Variants in VPS13D observed in about 807,000 individuals in gnomAD.
VPS13D encodes intermembrane lipid transfer protein VPS13D.
A neutral mutation model predicts 461.9 loss-of-function variants in VPS13D; 187 were observed. The observed-to-expected ratio is 0.40, with a 90% CI of 0.36 to 0.46. The LOEUF (loss-of-function observed/expected upper bound fraction) is 0.46, where lower values mean the gene tolerates loss of function less well. Ranked by LOEUF, VPS13D falls within the 20% of genes least tolerant of loss-of-function variation. The pLI, the probability that VPS13D is intolerant of heterozygous loss-of-function variation, is 0.60. For missense variants in VPS13D, 4,711 were observed against 5,364.9 expected (o/e 0.88, Z 3.81); for synonymous variants, 1,951 against 1,986.3 (o/e 0.98, Z 0.47).
intron 38 of VPS13D, 94 bp downstream of exon 38, chr1:12,333,460 G>A (rs554218904): frequency 6.2e-6 from 9 of 1,463,294 alleles, no homozygotes; most frequent in Admixed American, 1.9e-5. Context: ...AAATACCTGG[G>A]CCTGTACCAG....
chr1:12,468,619 A>G (rs1390212349), intron 67 of VPS13D, among the ~76,000 whole-genome samples: 5 of 152,164 alleles, frequency 3.3e-5, no homozygotes, highest in African/African-American at 1.2e-4. Context: ...GCCCTGATGT[A>G]TTTATCTGGT....
intron 23 of VPS13D, among the ~76,000 whole-genome samples, chr1:12,292,943 C>T (rs1642176991): frequency 6.6e-6 from 1 of 152,118 alleles, no homozygotes; most frequent in African/African-American, 2.4e-5. Flanking sequence ...AAAATAAGTA[C>T]TCAGCAATGT....
chr1:12,383,141 A>G lies in VPS13D; in HGVS notation c.11356A>G (p.Thr3786Ala). Residue 3786 changes from threonine to alanine, a missense_variant, in exon 58 of 70, where the codon ACT becomes GCT. This residue lies in a region of VPS13D where 4,411 missense variants were observed against 4,937.8 expected (regional missense o/e 0.89). Coordinates refer to ENST00000620676, the MANE Select transcript of VPS13D (RefSeq NM_015378.4). ...CATCAGAGTCATCCCAGATGGACCA[A>G]CTAGAGCACTCCAGGTGATAATTTG... ...LSIRVIPDGP[T>A]RALQITDFCH... 1.4e-5 allele frequency: 23 copies of G among 1,613,442 alleles called. No individual in the cohort carries two copies. Among genetic ancestry groups the G allele is most frequent in the Non-Finnish European group, 1.9e-5 (22 of 1,179,762 alleles).
At chr1:12,327,567 T>G in intron 35 of VPS13D, 81 bp from the exon 36 acceptor site, 1 of 1,367,654 alleles carries the variant, frequency 7.3e-7, no homozygotes, top group Non-Finnish European at 9.9e-7. Flanking sequence ...TCTAGAGAAT[T>G]TTATTTCTCT....
At position 12,363,386 on chromosome 1, in the gene VPS13D, G is replaced by A. The variant is rs1643979957; in HGVS notation, c.10448+139G>A. 4 of 859,370 alleles carry A rather than the reference G, an allele frequency of 4.7e-6. No individual in the cohort carries two copies. In the South Asian group the frequency reaches 7.6e-5, roughly 16 times the overall value. The allele number at this position is 859,370 out of a possible 1,614,324, so 53.2% of individuals were successfully genotyped here. A position where few individuals can be genotyped will look rare whatever the true frequency, so the allele number is the denominator to read the frequency against. On this transcript the variant is annotated intron_variant, in intron 52 of 69. Coordinates refer to ENST00000620676, the MANE Select transcript of VPS13D (RefSeq NM_015378.4). The stretch of plus-strand genomic sequence containing the variant: ...CTTAGAACTTGCAAAGTCCAGGGAA[G>A]TGTGAGGGGATAATTTGATGGAATA...
At chr1:12,328,568 TTC>T (rs1314754098) in intron 36 of VPS13D, among the ~76,000 whole-genome samples, 1 of 152,016 alleles carries the variant, frequency 6.6e-6, no homozygotes, top group Non-Finnish European at 1.5e-5. Flanking sequence ...GAGACGGAGT[TTC>T]GCTCTTGTTG....
At chr1:12,404,045 T>C (rs186400180) in intron 63 of VPS13D, 72 bp downstream of exon 63, 196 of 1,414,960 alleles carry the variant, frequency 1.4e-4, no homozygotes, top group Middle Eastern at 3.7e-4. Flanking sequence ...TTACTATTTG[T>C]TGTTTGTTGT....
rs750491771 is a variant in VPS13D at position 12,283,681 on chromosome 1, A to T, written c.5579A>T (p.His1860Leu). 9.9e-6 allele frequency: 16 copies of T among 1,614,214 alleles called. No individual in the cohort carries two copies. The highest frequency in any genetic ancestry group is 1.7e-5 in the Admixed American group (1 of 60,030). ...GILHNVKLEP[H>L]ASMESGLQDP... is the part of the protein sequence containing the mutation. ...CTGCACAACGTGAAGTTGGAGCCAC[A>T]TGCCTCCATGGAGTCTGGACTTCAG... Residue 1860 changes from histidine (H) to leucine (L), a missense_variant, in exon 21 of 70, where the codon CAT becomes CTT. Coordinates refer to ENST00000620676, the MANE Select transcript of VPS13D (RefSeq NM_015378.4).
intron 67 of VPS13D, among the ~76,000 whole-genome samples, chr1:12,471,838 C>T (rs185387452): frequency 6.6e-6 from 1 of 152,072 alleles, no homozygotes; most frequent in East Asian, 1.9e-4. Flanking sequence ...TCTATATGCA[C>T]ATTCGTAATT....
intron 48 of VPS13D, 51 bp downstream of exon 48, chr1:12,356,141 C>A (rs756238414): frequency 6.5e-7 from 1 of 1,543,344 alleles, no homozygotes; most frequent in African/African-American, 1.4e-5. Context: ...CATGGGAATT[C>A]AGATTTATTT....
chr1:12,290,503 A>G (rs1642096280), intron 22 of VPS13D, among the ~76,000 whole-genome samples: 1 of 152,056 alleles, frequency 6.6e-6, no homozygotes, highest in Admixed American at 6.5e-5. Context: ...CGGGCGGATC[A>G]TGAGGTCAGG....
At chr1:12,324,072 G>A (rs1474437941) in intron 35 of VPS13D, among the ~76,000 whole-genome samples, 1 of 152,044 alleles carries the variant, frequency 6.6e-6, no homozygotes, top group Non-Finnish European at 1.5e-5. Flanking sequence ...CCACACCTAG[G>A]TAATTTTTGT....
intron 10 of VPS13D, 107 bp from the exon 11 acceptor site, chr1:12,260,586 A>G (rs1196908777): frequency 3.5e-6 from 3 of 855,388 alleles, no homozygotes; most frequent in Non-Finnish European, 5.8e-6. Flanking sequence ...GCAGGGGACC[A>G]GAGAGGTTTC....
chr1:12,424,979 G>A (rs1388478106), intron 65 of VPS13D, among the ~76,000 whole-genome samples: 2 of 152,098 alleles, frequency 1.3e-5, no homozygotes, highest in Admixed American at 1.3e-4. Flanking sequence ...GCTTTCTTAG[G>A]TTGGCTGGTG....
At chr1:12,288,040 G>T (rs145023496) in intron 21 of VPS13D, among the ~76,000 whole-genome samples, 183 bp from the exon 22 acceptor site, 3 of 152,168 alleles carry the variant, frequency 2.0e-5, no homozygotes, top group Non-Finnish European at 4.4e-5. Context: ...TCCAGTCTCC[G>T]CCCTGTCCTC....
intron 22 of VPS13D, among the ~76,000 whole-genome samples, chr1:12,289,546 T>TAA (rs2101414791): frequency 6.6e-6 from 1 of 152,110 alleles, no homozygotes; most frequent in Non-Finnish European, 1.5e-5. Context: ...TTAGAAAAGC[T>TAA]TCTTAGAGGA....
chr1:12,470,165 C>T (rs945306491), intron 67 of VPS13D, among the ~76,000 whole-genome samples: 1 of 152,138 alleles, frequency 6.6e-6, no homozygotes, highest in Admixed American at 6.5e-5. Context: ...TCATAAAATC[C>T]CAGGGACTGC....
intron 67 of VPS13D, among the ~76,000 whole-genome samples, chr1:12,489,206 G>C (rs995476550): frequency 6.6e-6 from 1 of 152,164 alleles, no homozygotes; most frequent in African/African-American, 2.4e-5. Flanking sequence ...TTTTGTCTTA[G>C]AGTTTAAATC....
chr1:12,429,884 AG>A (rs1414178128), intron 65 of VPS13D, among the ~76,000 whole-genome samples: 1 of 152,228 alleles, frequency 6.6e-6, no homozygotes, highest in East Asian at 1.9e-4. Context: ...AAGAAAACCT[AG>A]TCCCTTTTAA....
Sources: allele counts gnomAD v4.1 joint callset (sites outside exome capture counted in the v4.1 genomes callset), GRCh38; gene constraint gnomAD v4.1.1; regional missense constraint gnomAD v4.1.1; transcripts MANE v1.5; gene names NCBI Gene and HGNC (gene_info 2026-07-23, HGNC 2026-07-21).